The following SPAST variants were observed in gnomAD, a reference collection of about 807,000 sequenced individuals.
SPAST encodes the protein spastin.
SPAST carries 30 observed loss-of-function variants against 76.6 expected under a neutral mutation model. The ratio of observed to expected loss-of-function variants is 0.39; its 90% CI spans 0.29 to 0.53. SPAST has a LOEUF of 0.53. SPAST is among the 20% of genes least tolerant of loss of function. SPAST has a pLI of 0.68. For missense variants in SPAST, 717 were observed against 770.5 expected, an observed-to-expected ratio of 0.93 and a Z score of 0.82; for synonymous variants, 305 against 281.0, an observed-to-expected ratio of 1.09 and a Z score of -0.86.
chr2:32,094,648 C>G (rs1217567186), intron 3 of SPAST, among the ~76,000 whole-genome samples: 1 of 152,194 alleles, frequency 6.6e-6, no homozygotes, highest in Non-Finnish European at 1.5e-5. Context: ...CTTTTACCGC[C>G]TGTGAAATGG....
At chr2:32,121,191 C>T (rs1467123352) in intron 7 of SPAST, among the ~76,000 whole-genome samples, 1 of 152,140 alleles carries the variant, frequency 6.6e-6, no homozygotes. Context: ...TCACTCTTCT[C>T]ACCCAGGCTA....
At chr2:32,102,655 G>A (rs1382150022) in intron 4 of SPAST, among the ~76,000 whole-genome samples, 2 of 152,200 alleles carry the variant, frequency 1.3e-5, no homozygotes, top group African/African-American at 4.8e-5. Flanking sequence ...TCAATACCTA[G>A]TTTATTGAGA....
rs121908513 is a variant in SPAST at position 32,116,145 on chromosome 2, T to C, written c.1031T>C (p.Ile344Thr). ...DNGTAVKFDD[I>T]AGQDLAKQAL... ...GGAACAGCTGTTAAATTTGATGATATAGCTGGTCAAGACTTGGCAAAACAA... is the reference window on the plus strand; with the variant it reads ...GGAACAGCTGTTAAATTTGATGATACAGCTGGTCAAGACTTGGCAAAACAA... Residue 344 changes from isoleucine (I) to threonine (T), a missense_variant, in exon 7 of 17, where the codon ATA becomes ACA. By Grantham distance (89) the Ile-to-Thr change is moderately conservative (BLOSUM62 -1). This residue lies in a region of SPAST where 78 missense variants were observed against 197.6 expected (regional missense o/e 0.39). Transcript: ENST00000315285. The C allele has an allele frequency of 6.2e-7, 1 of 1,613,284 alleles. No individual in the cohort carries two copies. The highest frequency in any genetic ancestry group is 8.5e-7 in the Non-Finnish European group (1 of 1,179,404).
intron 4 of SPAST, among the ~76,000 whole-genome samples, chr2:32,105,221 C>A (rs866392896): frequency 5.9e-5 from 9 of 152,118 alleles, no homozygotes; most frequent in Middle Eastern, 3.2e-3. Flanking sequence ...ATCACTGATA[C>A]CCTTTCTTCC....
intron 7 of SPAST, among the ~76,000 whole-genome samples, chr2:32,118,798 C>T (rs908807708): frequency 2.0e-5 from 3 of 151,962 alleles, no homozygotes; most frequent in Non-Finnish European, 4.4e-5. Context: ...ATGCTTTTTA[C>T]GGTAGAAAAA....
chr2:32,088,332 C>T (rs1677575197), intron 2 of SPAST, among the ~76,000 whole-genome samples: 2 of 152,000 alleles, frequency 1.3e-5, no homozygotes, highest in Admixed American at 6.5e-5. Flanking sequence ...TGTACCCAGC[C>T]AGATTGTATT....
At chr2:32,123,616 C>T (rs1185863908) in intron 7 of SPAST, among the ~76,000 whole-genome samples, 1 of 152,172 alleles carries the variant, frequency 6.6e-6, no homozygotes, top group Non-Finnish European at 1.5e-5. Flanking sequence ...TACCCAATTT[C>T]AAGACTTACT....
intron 16 of SPAST, among the ~76,000 whole-genome samples, chr2:32,147,733 G>A (rs1238695709): frequency 1.3e-5 from 2 of 151,986 alleles, no homozygotes; most frequent in Non-Finnish European, 2.9e-5. Flanking sequence ...CCGGGTTCAC[G>A]CCATTCTCCT....
intron 3 of SPAST, among the ~76,000 whole-genome samples, chr2:32,096,793 C>G (rs542490186): frequency 6.6e-6 from 1 of 151,466 alleles, no homozygotes; most frequent in East Asian, 1.9e-4. Context: ...TTGATTTATG[C>G]TTTTACTGAG....
chr2:32,079,082 C>T (rs1055549288), intron 1 of SPAST, among the ~76,000 whole-genome samples: 1 of 152,046 alleles, frequency 6.6e-6, no homozygotes, highest in Non-Finnish European at 1.5e-5. Flanking sequence ...CTCAAGTGAC[C>T]CGCCCACCTC....
chr2:32,083,691 T>C (rs953020795), intron 1 of SPAST, among the ~76,000 whole-genome samples: 3 of 139,856 alleles, frequency 2.1e-5, no homozygotes, highest in East Asian at 4.1e-4. Flanking sequence ...ATGCTATATA[T>C]AGAGTATATA....
At chr2:32,067,489 TC>T (rs1676569502) in intron 1 of SPAST, among the ~76,000 whole-genome samples, 1 of 152,106 alleles carries the variant, frequency 6.6e-6, no homozygotes, top group African/African-American at 2.4e-5. Context: ...AAATAGCAGT[TC>T]CATGTGAGGA....
intron 9 of SPAST, chr2:32,130,284 G>A (rs1256712666): frequency 6.6e-6 from 1 of 152,216 alleles, no homozygotes; most frequent in East Asian, 1.9e-4. Flanking sequence ...GTCAGAGCAA[G>A]ACCACGTCTC....
At chr2:32,071,750 T>C (rs568107713) in intron 1 of SPAST, among the ~76,000 whole-genome samples, 19 of 152,314 alleles carry the variant, frequency 1.2e-4, no homozygotes, top group Admixed American at 9.2e-4. Context: ...CTGGAATCCA[T>C]AGAAGGGAGT....
intron 1 of SPAST, among the ~76,000 whole-genome samples, chr2:32,074,477 A>G (rs1676872289): frequency 6.6e-6 from 1 of 151,520 alleles, no homozygotes; most frequent in Admixed American, 6.6e-5. Flanking sequence ...TGGATGTAAT[A>G]AGCTGTTTTT....
chr2:32,103,664 G>A (rs1406035827), intron 4 of SPAST, among the ~76,000 whole-genome samples: 2 of 151,902 alleles, frequency 1.3e-5, no homozygotes. Flanking sequence ...CTGATATGTT[G>A]TGTCTTTGTT....
chr2:32,100,552 C>T (rs1678081878), intron 4 of SPAST, among the ~76,000 whole-genome samples: 1 of 151,966 alleles, frequency 6.6e-6, no homozygotes, highest in Non-Finnish European at 1.5e-5. Context: ...TGTTGGTGTG[C>T]CGCACCCATT....
intron 3 of SPAST, among the ~76,000 whole-genome samples, chr2:32,096,430 G>A (rs553339247): frequency 3.9e-5 from 6 of 151,948 alleles, no homozygotes; most frequent in South Asian, 2.1e-4. Flanking sequence ...GTGAGACTCC[G>A]TCTCCAAAAA....
At chr2:32,145,783 G>A (rs1315430767) in intron 15 of SPAST, among the ~76,000 whole-genome samples, 2 of 152,142 alleles carry the variant, frequency 1.3e-5, no homozygotes, top group East Asian at 1.9e-4. Flanking sequence ...GATATTTTCA[G>A]CTACATTTCC....
Sources: allele counts gnomAD v4.1 joint callset (sites outside exome capture counted in the v4.1 genomes callset), GRCh38; gene constraint gnomAD v4.1.1; regional missense constraint gnomAD v4.1.1; transcripts MANE v1.5; gene names NCBI Gene and HGNC (gene_info 2026-07-23, HGNC 2026-07-21).